CASKIN1: variants seen among roughly 807,000 people sequenced by gnomAD.
CASKIN1 encodes the protein CASK interacting protein 1, also known as caskin-1.
CASKIN1 carries 42 observed loss-of-function variants against 117.5 expected under a neutral mutation model. The ratio of observed to expected loss-of-function variants is 0.36; its 90% CI spans 0.28 to 0.46. CASKIN1 has a LOEUF of 0.46. CASKIN1 is among the 20% of genes least tolerant of loss of function. The pLI, the probability that CASKIN1 is intolerant of heterozygous loss-of-function variation, is 1.00. For synonymous variants in CASKIN1, 1,148 were observed against 961.7 expected (o/e 1.19, Z -3.59); for missense variants, 2,083 against 2,077.3 (o/e 1.00, Z -0.05).
chr16:2,183,469 G>A, intron 16 of CASKIN1, among the ~76,000 whole-genome samples, 177 bp downstream of exon 16: 1 of 152,202 alleles, frequency 6.6e-6, no homozygotes. Flanking sequence ...CCTTGCCCCT[G>A]CCCCAGTGAC....
chr16:2,180,650 G>T lies in CASKIN1; in HGVS notation c.2718C>A (p.Pro906=). The stretch of plus-strand genomic sequence containing the variant: ...CCACGCGCCGCTGGACCGTGGCATA[G>T]GGGCCGGCAGCCGCAGGCACCAGCA... ...DELLVPAAAG[P]YATVQRRVGR... is the part of the protein sequence containing the mutation. The change falls in exon 18 of 20, where the codon CCC becomes CCA. Residue 906 remains proline (P), a synonymous_variant. Coordinates refer to ENST00000343516, the MANE Select transcript of CASKIN1 (RefSeq NM_020764.4). The T allele has an allele frequency of 6.5e-7, 1 of 1,533,782 alleles. No homozygotes were observed.
Position 2,184,961 on chromosome 16 carries a change from T to G in CASKIN1, c.1314A>C (p.Glu438Asp). 6.2e-7 allele frequency: 1 copy of G among 1,604,514 alleles called. No homozygotes were observed. Residue 438 changes from glutamate to aspartate, a missense_variant, in exon 13 of 20, where the codon GAA (glutamate) becomes GAC (aspartate). Around this residue, in one of 3 missense-constraint regions of CASKIN1, gnomAD observed 1,818 missense variants for 1,688.9 expected, o/e 1.08. Transcript: ENST00000343516. ...GPGDSPAKPPEGSAGVARSQP... is the reference protein window; with the variant it reads ...GPGDSPAKPPDGSAGVARSQP... ...CACCCTTGCTCTTACCTGCAGAGCC[T>G]TCCGGAGGCTTGGCGGGGCTGTCCC...
At position 2,179,540 on chromosome 16, in the gene CASKIN1, A is replaced by G; in HGVS notation, c.3775+53T>C. The G allele has an allele frequency of 7.2e-7, 1 of 1,398,566 alleles. No homozygotes were observed. The highest frequency in any genetic ancestry group is 9.3e-7 in the Non-Finnish European group (1 of 1,075,164). The allele number at this position is 1,398,566 out of a possible 1,614,324, so 86.6% of individuals were successfully genotyped here. A position where few individuals can be genotyped will look rare whatever the true frequency, so the allele number is the denominator to read the frequency against. Reference sequence around the variant, plus strand: ...AGGAAAACCCCTCAGACCACCGAGTAAGGAGGTGGAGCAGGGTCCTGTTGC... The same window carrying G: ...AGGAAAACCCCTCAGACCACCGAGTGAGGAGGTGGAGCAGGGTCCTGTTGC... On this transcript the variant is annotated intron_variant, in intron 18 of 19. Coordinates refer to ENST00000343516, the MANE Select transcript of CASKIN1 (RefSeq NM_020764.4). This position sits in a 1 kb window ranked among gnomAD's most constrained non-coding sequence, Gnocchi z 5.8.
Position 2,179,554 on chromosome 16 carries a change from G to C in CASKIN1, c.3775+39C>G. 1.4e-6 allele frequency: 2 copies of C among 1,417,916 alleles called. No homozygotes were observed. The highest frequency in any genetic ancestry group is 3.0e-5 in the South Asian group (2 of 66,896). 87.8% of individuals were successfully genotyped at this position (1,417,916 alleles called of 1,614,324 possible). A position where few individuals can be genotyped will look rare whatever the true frequency, so the allele number is the denominator to read the frequency against. On this transcript the variant is annotated intron_variant, in intron 18 of 19. Transcript: ENST00000343516. The surrounding 1 kb of genome is among the most constrained non-coding windows in gnomAD (Gnocchi z 5.8). Reference sequence around the variant, plus strand: ...GACCACCGAGTAAGGAGGTGGAGCAGGGTCCTGTTGCCCCTTCACCCCACC... The same window carrying C: ...GACCACCGAGTAAGGAGGTGGAGCACGGTCCTGTTGCCCCTTCACCCCACC...
intron 14 of CASKIN1, 150 bp from the exon 15 acceptor site, chr16:2,184,091 C>T: frequency 1.7e-6 from 1 of 587,772 alleles, no homozygotes; most frequent in African/African-American, 1.9e-5. Context: ...TGAGCCTGGC[C>T]CGTGAGTGAT....
In CASKIN1 at chr16:2,179,322, A is replaced by C. The variant is rs367616215; in HGVS notation, c.3779T>G (p.Val1260Gly). ...VPLPGPGSPE[V>G]KRAHGTPPPV... ...CGGTGGCGTGCCGTGGGCGCGCTTC[A>C]CCTCTGCGGGGAGGACCACGCTGGC... Residue 1260 changes from valine (V) to glycine (G), a missense_variant, in exon 19 of 20, where the codon GTG becomes GGG. By Grantham distance (109) the Val-to-Gly change is moderately radical (BLOSUM62 -3). This residue lies in a region of CASKIN1 where 1,818 missense variants were observed against 1,688.9 expected (regional missense o/e 1.08). Transcript: ENST00000343516. This position sits in a 1 kb window ranked among gnomAD's most constrained non-coding sequence, Gnocchi z 5.8. The C allele has an allele frequency of 0.016, 20,407 of 1,244,814 alleles. 194 individuals carry two copies. The highest frequency in any genetic ancestry group is 0.018 in the Non-Finnish European group (18,370 of 996,760). The allele number at this position is 1,244,814 out of a possible 1,614,324, so 77.1% of individuals were successfully genotyped here.
At position 2,186,719 on chromosome 16, in the gene CASKIN1, C is replaced by T. The variant is rs766913630; in HGVS notation, c.1036G>A (p.Val346Ile). The part of the protein sequence containing the change: ...YFPSSLGEAI[V>I]KRAGSRAGTE... The stretch of plus-strand genomic sequence containing the variant: ...GGGTGGAACTTGCCTGCTCGCTTGA[C>T]AATGGCCTCGCCCAGGGAGGACGGG... The change falls in exon 10 of 20, where the codon GTC becomes ATC. Residue 346 changes from valine to isoleucine, a missense_variant. By Grantham distance (29) the Val-to-Ile change is conservative. Coordinates refer to ENST00000343516, the MANE Select transcript of CASKIN1 (RefSeq NM_020764.4). 8 of 1,612,616 alleles carry T rather than the reference C, an allele frequency of 5.0e-6. No individual in the cohort carries two copies. The highest frequency in any genetic ancestry group is 1.1e-5 in the South Asian group (1 of 91,080).
chr16:2,179,276 C>T lies in CASKIN1; in HGVS notation c.3825G>A (p.Pro1275=). The change falls in exon 19 of 20, where the codon CCG becomes CCA. Residue 1275 remains proline, a synonymous_variant. Transcript: ENST00000343516. This position sits in a 1 kb window ranked among gnomAD's most constrained non-coding sequence, Gnocchi z 5.8. Reference sequence around the variant, plus strand: ...CGGGCTTGGGCGCTGTGGGCGGCGGCGGCGGCTTGGGAGACACGGGCGGTG... The same window carrying T: ...CGGGCTTGGGCGCTGTGGGCGGCGGTGGCGGCTTGGGAGACACGGGCGGTG... ...GTPPPVSPKP[P]PPPTAPKPVK... 1 of 1,218,556 alleles carries T rather than the reference C, an allele frequency of 8.2e-7. No individual in the cohort carries two copies. The highest frequency in any genetic ancestry group is 1.0e-6 in the Non-Finnish European group (1 of 980,054). The allele number at this position is 1,218,556 out of a possible 1,614,324, so 75.5% of individuals were successfully genotyped here.
chr16:2,188,729 C>T (rs946327601), intron 6 of CASKIN1, among the ~76,000 whole-genome samples: 2 of 152,118 alleles, frequency 1.3e-5, no homozygotes, highest in African/African-American at 2.4e-5. Context: ...CTAGTGTAGG[C>T]GCTGCTGTGA....
chr16:2,180,255 C>A lies in CASKIN1; in HGVS notation c.3113G>T (p.Gly1038Val). ...PTPRPASPEPGRVATVLASVK... is the reference protein window; with the variant it reads ...PTPRPASPEPVRVATVLASVK... ...TGAGGCCAGCACGGTGGCCACCCGG[C>A]CCGGCTCTGGGCTGGCAGGGCGGGG... Residue 1038 changes from glycine (G) to valine (V), a missense_variant, in exon 18 of 20, where the codon GGC (glycine) becomes GTC (valine). Physicochemically the swap from Gly to Val is moderately radical, Grantham distance 109 (BLOSUM62 -3). Coordinates refer to ENST00000343516, the MANE Select transcript of CASKIN1 (RefSeq NM_020764.4). The A allele has an allele frequency of 1.3e-6, 2 of 1,555,914 alleles. No homozygotes were observed. Among genetic ancestry groups the A allele is most frequent in the East Asian group, 2.4e-5 (1 of 41,494 alleles).
chr16:2,194,528 G>A (rs982086050), intron 1 of CASKIN1, among the ~76,000 whole-genome samples: 1 of 152,146 alleles, frequency 6.6e-6, no homozygotes, highest in African/African-American at 2.4e-5. Flanking sequence ...GGCCCTGGAG[G>A]ATACTGCTGG....
In CASKIN1 at chr16:2,184,742, G is replaced by A. The variant is rs142694575; in HGVS notation, c.1416+35C>T. ...CCCATCGGCCTTACAGCCTCTCCCC[G>A]GAGCCCACGCTGAGAACACCCCCAA... On this transcript the variant is annotated intron_variant, in intron 14 of 19. Transcript: ENST00000343516. The A allele has an allele frequency of 1.2e-3, 1,790 of 1,456,744 alleles. 23 individuals are homozygous for A. In the African/African-American group the frequency reaches 0.022, roughly 18 times the overall value. The allele number at this position is 1,456,744 out of a possible 1,614,324, so 90.2% of individuals were successfully genotyped here. A position where few individuals can be genotyped will look rare whatever the true frequency, so the allele number is the denominator to read the frequency against.
chr16:2,181,981 C>T (rs748345081), intron 16 of CASKIN1, 52 bp from the exon 17 acceptor site: 21 of 1,604,602 alleles, frequency 1.3e-5, no homozygotes, highest in Non-Finnish European at 1.7e-5. Context: ...CCGCACCCTG[C>T]CCATCTACCT....
chr16:2,179,347 C>T lies in CASKIN1; in HGVS notation c.3776-22G>A. On this transcript the variant is annotated intron_variant, in intron 18 of 19. Transcript: ENST00000343516. The surrounding 1 kb of genome is among the most constrained non-coding windows in gnomAD (Gnocchi z 5.8). ...ACCTCTGCGGGGAGGACCACGCTGG[C>T]ACCGAGCGGGCACGAGTTCCGCCGC... The T allele has an allele frequency of 1.5e-6, 2 of 1,318,378 alleles. No homozygotes were observed. The highest frequency in any genetic ancestry group is 2.3e-5 in the South Asian group (1 of 42,632). 81.7% of individuals were successfully genotyped at this position (1,318,378 alleles called of 1,614,324 possible).
intron 14 of CASKIN1, among the ~76,000 whole-genome samples, 183 bp downstream of exon 14, chr16:2,184,594 C>T (rs2093178156): frequency 6.6e-6 from 1 of 152,188 alleles, no homozygotes; most frequent in Non-Finnish European, 1.5e-5. Context: ...AATGACGACA[C>T]CCGTACACAC....
intron 1 of CASKIN1, among the ~76,000 whole-genome samples, chr16:2,190,919 G>A (rs1228802937): frequency 1.3e-5 from 2 of 152,200 alleles, no homozygotes. Flanking sequence ...CAGGCGAGTG[G>A]GCTGGCACCT....
chr16:2,187,954 G>A (rs2093189858), intron 6 of CASKIN1, among the ~76,000 whole-genome samples: 1 of 151,696 alleles, frequency 6.6e-6, no homozygotes, highest in Admixed American at 6.6e-5. Context: ...TGCAGTCATG[G>A]CTTACTGCAG....
Position 2,194,713 on chromosome 16 carries a change from G to C in CASKIN1, c.94+1626C>G, listed in dbSNP as rs77398798. Among the ~76,000 whole-genome samples the C allele has an allele frequency of 1.2e-4, 18 of 152,266 alleles. No individual in the cohort carries two copies. In the East Asian group the frequency reaches 3.5e-3, roughly 29 times the overall value. ...AGAGCAGGAGCCGGGGCCAGGGCAG[G>C]TGTCTCTCCTGTCCCAGAGGCCAGG... is the stretch of plus-strand genomic sequence containing the variant. On this transcript the variant is annotated intron_variant, in intron 1 of 19. Transcript: ENST00000343516.
In CASKIN1 at chr16:2,181,719, G is replaced by GGGCTGGT. The variant is rs1318437874; in HGVS notation, c.1768+65_1768+71dup. The stretch of plus-strand genomic sequence containing the variant: ...TTGGGGCTGGGGCGGGGCTGGGGCT[G>GGGCTGGT]GGCTGGTGGCTGGTGGCTGGGGCTT... On this transcript the variant is annotated intron_variant, in intron 17 of 19. Transcript: ENST00000343516. The GGGCTGGT allele has an allele frequency of 2.9e-5, 45 of 1,546,774 alleles. 1 individual carries two copies. The highest frequency in any genetic ancestry group is 2.3e-4 in the Middle Eastern group (1 of 4,416).
Sources: allele counts gnomAD v4.1 joint callset (sites outside exome capture counted in the v4.1 genomes callset), GRCh38; gene constraint gnomAD v4.1.1; regional missense constraint gnomAD v4.1.1; non-coding constraint Gnocchi (gnomAD v3.1); transcripts MANE v1.5; gene names NCBI Gene and HGNC (gene_info 2026-07-23, HGNC 2026-07-21).